DOCK5: variants seen among roughly 807,000 people sequenced by gnomAD.
DOCK5 encodes dedicator of cytokinesis protein 5.
DOCK5 carries 142 observed loss-of-function variants against 251.8 expected under a neutral mutation model. That is an observed-to-expected ratio of 0.56 (90% CI 0.49 to 0.65). The LOEUF is 0.65. Among genes scored for constraint, DOCK5 ranks in the 30% least tolerant of loss-of-function variants. DOCK5 has a pLI of 0.00. For synonymous variants in DOCK5, 842 were observed against 835.5 expected (o/e 1.01, Z -0.13); for missense variants, 2,111 against 2,312.3 (o/e 0.91, Z 1.79).
In DOCK5 at chr8:25,414,148, T is replaced by C. The variant is rs567807254; in HGVS notation, c.*2850T>C. On this transcript the variant is annotated 3_prime_UTR_variant, in exon 52 of 52. Transcript: ENST00000276440. Reference sequence around the variant, plus strand: ...TCTCTTTCTTTGTTCTAGTGACTTGTCTTGCTTTAAGATTTTTTTTAAAGG... The same window carrying C: ...TCTCTTTCTTTGTTCTAGTGACTTGCCTTGCTTTAAGATTTTTTTTAAAGG... The C allele has an allele frequency of 6.6e-6, 1 of 152,292 alleles. No homozygotes were observed. Among genetic ancestry groups the C allele is most frequent in the East Asian group, 1.9e-4 (1 of 5,190 alleles). The allele number at this position is 152,292 out of a possible 1,614,324, so 9.4% of individuals were successfully genotyped here.
At position 25,296,457 on chromosome 8, in the gene DOCK5, C is replaced by G. The variant is rs887682048; in HGVS notation, c.471-56C>G. On this transcript the variant is annotated intron_variant, in intron 6 of 51. Transcript: ENST00000276440. ...TCTGGGCTCCTTGACAAGGACTCCT[C>G]AGTAAAAAGTCTGCCCCTGGTGAGG... 1.9e-6 allele frequency: 3 copies of G among 1,569,872 alleles called. No individual in the cohort carries two copies. The African/African-American group carries it at 4.1e-5, about 21-fold the overall frequency.
At chr8:25,377,934 G>A (rs1800994173) in intron 38 of DOCK5, among the ~76,000 whole-genome samples, 1 of 147,900 alleles carries the variant, frequency 6.8e-6, no homozygotes, top group African/African-American at 2.5e-5. Context: ...TGGTAAATAT[G>A]GGGTCTCACC....
At chr8:25,198,289 G>A (rs1004292977) in intron 1 of DOCK5, among the ~76,000 whole-genome samples, 6 of 152,150 alleles carry the variant, frequency 3.9e-5, no homozygotes, top group South Asian at 2.1e-4. Context: ...ACGAAGTGAC[G>A]ACCAGACACG....
At chr8:25,400,635 TTAAACC>T (rs1452270289) in intron 46 of DOCK5, among the ~76,000 whole-genome samples, 2 of 152,128 alleles carry the variant, frequency 1.3e-5, no homozygotes, top group Non-Finnish European at 2.9e-5. Context: ...AGTCTAAGAC[TTAAACC>T]TATCAGTTGC....
At chr8:25,400,659 C>T (rs975632836) in intron 46 of DOCK5, among the ~76,000 whole-genome samples, 6 of 152,038 alleles carry the variant, frequency 3.9e-5, no homozygotes, top group Admixed American at 2.0e-4. Context: ...TGCTCATCCA[C>T]GGAAGTGCCC....
At chr8:25,242,206 C>A (rs976982570) in intron 1 of DOCK5, among the ~76,000 whole-genome samples, 3 of 152,060 alleles carry the variant, frequency 2.0e-5, no homozygotes, top group African/African-American at 7.2e-5. Flanking sequence ...GTAAGATACA[C>A]AGGTTCCAGG....
chr8:25,229,068 CAA>C (rs534068390), intron 1 of DOCK5, among the ~76,000 whole-genome samples: 28 of 87,568 alleles, frequency 3.2e-4, no homozygotes, highest in African/African-American at 4.0e-4. Flanking sequence ...TCATGTCTAC[CAA>C]AAAAAAAAAA....
intron 1 of DOCK5, among the ~76,000 whole-genome samples, chr8:25,219,866 T>C (rs941673335): frequency 1.9e-5 from 2 of 108,040 alleles, no homozygotes; most frequent in Admixed American, 2.3e-4. Context: ...AGGTATTCAT[T>C]GATTCCAGAA....
chr8:25,333,435 C>T (rs911954493), intron 20 of DOCK5, among the ~76,000 whole-genome samples: 1 of 152,166 alleles, frequency 6.6e-6, no homozygotes, highest in Non-Finnish European at 1.5e-5. Flanking sequence ...TACTTGAGAT[C>T]CAACTGGTTG....
At chr8:25,316,701 A>G (rs1419472597) in intron 13 of DOCK5, among the ~76,000 whole-genome samples, 1 of 152,138 alleles carries the variant, frequency 6.6e-6, no homozygotes, top group Non-Finnish European at 1.5e-5. Flanking sequence ...CTATTGAAAA[A>G]CCGTCTGCCA....
In DOCK5 at chr8:25,288,177, C is replaced by T. The variant is rs537849767; in HGVS notation, c.322-3847C>T. ...CTGGGATTACAGGCGTGAGCCACTGCGCCCGGCCAGCCCGTGCTCTTTTGG... is the reference window on the plus strand; with the variant it reads ...CTGGGATTACAGGCGTGAGCCACTGTGCCCGGCCAGCCCGTGCTCTTTTGG... On this transcript the variant is annotated intron_variant, in intron 5 of 51. Transcript: ENST00000276440. Among the ~76,000 whole-genome samples, 333 of 152,250 alleles carry T rather than the reference C, an allele frequency of 2.2e-3. 2 individuals are homozygous for T. Among genetic ancestry groups the T allele is most frequent in the Non-Finnish European group, 3.7e-3 (249 of 68,012 alleles).
At chr8:25,314,950 A>C (rs1383852233) in intron 13 of DOCK5, among the ~76,000 whole-genome samples, 4 of 148,666 alleles carry the variant, frequency 2.7e-5, no homozygotes. Flanking sequence ...AGCTACGATG[A>C]CCTCTTCCCT....
At chr8:25,206,315 T>C (rs1159096636) in intron 1 of DOCK5, among the ~76,000 whole-genome samples, 2 of 152,192 alleles carry the variant, frequency 1.3e-5, no homozygotes, top group South Asian at 2.1e-4. Flanking sequence ...TTTCTTCCTC[T>C]TTAACCATTC....
chr8:25,377,404 TC>T lies in DOCK5; in HGVS notation c.3917del (p.Ser1306TyrfsTer15). The part of the protein sequence containing the change: ...LKEKLYQEII[S>X]YFDKGKMWEK... ...AGAGAAGCTGTATCAAGAAATCATA[TC>T]ATATTTCGACAAAGGCAAAGTGAGT... On this transcript the variant is annotated frameshift_variant, in exon 38 of 52. Transcript: ENST00000276440. LOFTEE classifies it high-confidence loss of function. 1 of 1,613,714 alleles carries T rather than the reference TC, an allele frequency of 6.2e-7. No homozygotes were observed. Among genetic ancestry groups the T allele is most frequent in the Non-Finnish European group, 8.5e-7 (1 of 1,179,710 alleles).
At chr8:25,287,107 A>T (rs569167228) in intron 5 of DOCK5, among the ~76,000 whole-genome samples, 2 of 152,336 alleles carry the variant, frequency 1.3e-5, no homozygotes, top group East Asian at 1.9e-4. Flanking sequence ...GTGAGTATTG[A>T]AGGCAAAGCT....
chr8:25,259,258 G>A (rs1803504122), intron 2 of DOCK5, among the ~76,000 whole-genome samples: 1 of 152,106 alleles, frequency 6.6e-6, no homozygotes, highest in Admixed American at 6.5e-5. Flanking sequence ...CTGACCTGAG[G>A]GGTGGCGCAT....
chr8:25,293,951 C>T (rs1211877399), intron 6 of DOCK5, among the ~76,000 whole-genome samples: 2 of 152,108 alleles, frequency 1.3e-5, no homozygotes, highest in African/African-American at 2.4e-5. Context: ...TTGCGGTGAG[C>T]CAAGATCATG....
chr8:25,344,969 A>G (rs1800331004), intron 25 of DOCK5, among the ~76,000 whole-genome samples: 1 of 152,140 alleles, frequency 6.6e-6, no homozygotes, highest in Admixed American at 6.5e-5. Flanking sequence ...GTCATACCTT[A>G]CTTTCTGAAA....
intron 37 of DOCK5, 30 bp downstream of exon 37, chr8:25,374,684 G>T (rs1800933583): frequency 6.2e-7 from 1 of 1,613,558 alleles, no homozygotes; most frequent in Non-Finnish European, 8.5e-7. Flanking sequence ...TGTTTCAACA[G>T]GGTGGAGTAC....
Sources: allele counts gnomAD v4.1 joint callset (sites outside exome capture counted in the v4.1 genomes callset), GRCh38; gene constraint gnomAD v4.1.1; transcripts MANE v1.5; gene names NCBI Gene and HGNC (gene_info 2026-07-23, HGNC 2026-07-21).